Variants in IQCJ observed in about 807,000 individuals in gnomAD.
The protein encoded by IQCJ is IQ domain-containing protein J.
IQCJ carries 9 observed loss-of-function variants against 11.0 expected under a neutral mutation model. The observed-to-expected ratio is 0.82, with a 90% CI of 0.49 to 1.43. The LOEUF (loss-of-function observed/expected upper bound fraction) is 1.43. Among genes scored for constraint, IQCJ ranks in the 40% most tolerant of loss-of-function variants. IQCJ has a pLI of 0.00. For synonymous variants in IQCJ, 55 were observed against 51.3 expected (o/e 1.07, Z -0.31); for missense variants, 146 against 133.2 (o/e 1.10, Z -0.47).
intron 3 of IQCJ, among the ~76,000 whole-genome samples, chr3:159,261,992 C>T (rs1447299663): frequency 6.6e-6 from 1 of 152,176 alleles, no homozygotes; most frequent in Non-Finnish European, 1.5e-5. Context: ...TGCCCCACAG[C>T]AGGGCCACTG....
chr3:159,146,278 A>C lies in IQCJ; in HGVS notation c.9+76837A>C, dbSNP rs539677932. Among the ~76,000 whole-genome samples, 10 of 152,276 alleles carry C rather than the reference A, an allele frequency of 6.6e-5. No individual in the cohort carries two copies. The South Asian group carries it at 2.1e-3, about 32-fold the overall frequency. ...TTGTTTGAGTGGAGGTGAGGGTAAG[A>C]AGGCTTTGGAAATAAACATTTGGAG... On this transcript the variant is annotated intron_variant, in intron 1 of 3. Coordinates refer to ENST00000397832, the MANE Select transcript of IQCJ (RefSeq NM_001042706.3).
chr3:159,170,283 A>G (rs1336290283), intron 1 of IQCJ, among the ~76,000 whole-genome samples: 1 of 152,168 alleles, frequency 6.6e-6, no homozygotes, highest in Non-Finnish European at 1.5e-5. Flanking sequence ...TTTCAAGATT[A>G]TAAAGCATAT....
chr3:159,087,539 A>G (rs1175634156), intron 1 of IQCJ, among the ~76,000 whole-genome samples: 2 of 151,896 alleles, frequency 1.3e-5, no homozygotes, highest in African/African-American at 2.4e-5. Context: ...CTGTGAATCC[A>G]TCTGGTCCTG....
At chr3:159,161,901 G>T (rs1246355651) in intron 1 of IQCJ, among the ~76,000 whole-genome samples, 1 of 152,082 alleles carries the variant, frequency 6.6e-6, no homozygotes, top group Non-Finnish European at 1.5e-5. Flanking sequence ...TCTCTGTTTT[G>T]GTACCAGTAC....
At chr3:159,220,132 T>C (rs1477211848) in intron 1 of IQCJ, among the ~76,000 whole-genome samples, 1 of 152,170 alleles carries the variant, frequency 6.6e-6, no homozygotes, top group African/African-American at 2.4e-5. Context: ...ACTCTCACTT[T>C]GTCAGATTTT....
chr3:159,082,814 A>G (rs1280402335), intron 1 of IQCJ, among the ~76,000 whole-genome samples: 1 of 152,070 alleles, frequency 6.6e-6, no homozygotes, highest in East Asian at 1.9e-4. Flanking sequence ...ACCAGATTAG[A>G]TGGGGGAGGA....
At chr3:159,251,436 G>A (rs886419704) in intron 2 of IQCJ, among the ~76,000 whole-genome samples, 3 of 151,392 alleles carry the variant, frequency 2.0e-5, no homozygotes, top group Non-Finnish European at 2.9e-5. Flanking sequence ...GGAGCTCCCT[G>A]CTGCAATAGA....
intron 1 of IQCJ, among the ~76,000 whole-genome samples, chr3:159,152,420 A>AT (rs1387764414): frequency 6.6e-6 from 1 of 152,194 alleles, no homozygotes; most frequent in Non-Finnish European, 1.5e-5. Context: ...GGGAGGTGGT[A>AT]TGTGGCTCCT....
intron 1 of IQCJ, among the ~76,000 whole-genome samples, chr3:159,120,009 T>C (rs1187932444): frequency 6.6e-6 from 1 of 152,234 alleles, no homozygotes; most frequent in Admixed American, 6.5e-5. Flanking sequence ...AAAAAATGTT[T>C]TTGTGCATGC....
At chr3:159,192,601 C>A (rs1723754732) in intron 1 of IQCJ, among the ~76,000 whole-genome samples, 1 of 152,178 alleles carries the variant, frequency 6.6e-6, no homozygotes, top group South Asian at 2.1e-4. Flanking sequence ...TTTGATCAGC[C>A]ATTGCAGTTG....
At chr3:159,136,490 A>G (rs1339000118) in intron 1 of IQCJ, among the ~76,000 whole-genome samples, 1 of 152,196 alleles carries the variant, frequency 6.6e-6, no homozygotes, top group Non-Finnish European at 1.5e-5. Context: ...CTCATGTCTT[A>G]GTTCATTTGG....
intron 1 of IQCJ, among the ~76,000 whole-genome samples, chr3:159,236,063 T>C (rs1054479570): frequency 6.6e-6 from 1 of 152,116 alleles, no homozygotes; most frequent in Admixed American, 6.5e-5. Flanking sequence ...TCTTTTTAAG[T>C]CTACTACCTC....
chr3:159,236,363 C>T (rs1446765924), intron 1 of IQCJ, among the ~76,000 whole-genome samples: 4 of 150,694 alleles, frequency 2.7e-5, no homozygotes, highest in African/African-American at 9.8e-5. Context: ...CTTTTTGCCT[C>T]TAAATATATG....
chr3:159,085,493 A>ATC (rs1716683500), intron 1 of IQCJ, among the ~76,000 whole-genome samples: 1 of 151,238 alleles, frequency 6.6e-6, no homozygotes, highest in African/African-American at 2.4e-5. Flanking sequence ...GAATCGCCAC[A>ATC]CTGACTTCCA....
At chr3:159,187,083 T>A (rs777264905) in intron 1 of IQCJ, among the ~76,000 whole-genome samples, 38 of 152,372 alleles carry the variant, frequency 2.5e-4, no homozygotes, top group African/African-American at 8.4e-4. Flanking sequence ...ACAGAATTTT[T>A]AAAAATCTAG....
At position 159,263,281 on chromosome 3, in the gene IQCJ, C is replaced by T; in HGVS notation, c.*550C>T. Reference sequence around the variant, plus strand: ...GGCATGGCCAAATGTGATTTTCTTTCTTCAGGACATGTCAGAAATCTGCAT... The same window carrying T: ...GGCATGGCCAAATGTGATTTTCTTTTTTCAGGACATGTCAGAAATCTGCAT... On this transcript the variant is annotated 3_prime_UTR_variant, in exon 4 of 4. Transcript: ENST00000397832. The T allele has an allele frequency of 2.7e-6, 1 of 365,232 alleles. No homozygotes were observed. Among genetic ancestry groups the T allele is most frequent in the Non-Finnish European group, 3.8e-6 (1 of 263,188 alleles). The allele number at this position is 365,232 out of a possible 1,614,324, so 22.6% of individuals were successfully genotyped here.
Position 159,252,786 on chromosome 3 carries a change from C to T in IQCJ, c.134C>T (p.Pro45Leu), listed in dbSNP as rs546260460. Reference protein sequence around the residue: ...NIEKYPLNLQPLESKVKIIQR... With the variant: ...NIEKYPLNLQLLESKVKIIQR... ...GAAAAGTATCCCCTCAATCTACAGC[C>T]CTTGGAATCAAAGGTGAAAATGTAA... Residue 45 changes from proline to leucine, a missense_variant, in exon 3 of 4, where the codon CCC becomes CTC. Pro to Leu is a moderately conservative substitution (Grantham distance 98). Coordinates refer to ENST00000397832, the MANE Select transcript of IQCJ (RefSeq NM_001042706.3). 2.5e-6 allele frequency: 4 copies of T among 1,611,506 alleles called. No homozygotes were observed. Among genetic ancestry groups the T allele is most frequent in the African/African-American group, 1.3e-5 (1 of 74,934 alleles).
chr3:159,265,673 A>G (rs1212826318), downstream of IQCJ: 3 of 280,294 alleles, frequency 1.1e-5, no homozygotes, highest in East Asian at 1.2e-4. Flanking sequence ...ACAATTTTCT[A>G]TCTTCTCATA....
chr3:159,182,780 TA>T lies in IQCJ; in HGVS notation c.10-63062del, dbSNP rs746560958. 4.7e-4 allele frequency among the ~76,000 whole-genome samples: 66 copies of T among 140,008 alleles called. 3 individuals carry two copies. The Middle Eastern group carries it at 0.01, about 22-fold the overall frequency. The allele number at this position is 140,008 out of a possible 152,430, so 91.9% of individuals were successfully genotyped here. On this transcript the variant is annotated intron_variant, in intron 1 of 3. Transcript: ENST00000397832. ...GGTCAATCTTTATTTTTATTTATTT[TA>T]TTTTTTTTCACAATGCTTTTCTATC...
Sources: allele counts gnomAD v4.1 joint callset (sites outside exome capture counted in the v4.1 genomes callset), GRCh38; gene constraint gnomAD v4.1.1; transcripts MANE v1.5; gene names NCBI Gene and HGNC (gene_info 2026-07-23, HGNC 2026-07-21).